Variants in ATP10A observed in about 807,000 individuals in gnomAD.
ATP10A encodes the protein ATPase phospholipid transporting 10A (putative), also known as phospholipid-transporting ATPase VA.
Under a neutral mutation model 147.8 loss-of-function variants are expected in ATP10A, and 111 were observed. That is an observed-to-expected ratio of 0.75 (90% CI 0.64 to 0.88). The LOEUF (loss-of-function observed/expected upper bound fraction) is 0.88, where lower values mean the gene tolerates loss of function less well. Among genes scored for constraint, ATP10A ranks in the 40% least tolerant of loss-of-function variants. The pLI, the probability that ATP10A is intolerant of heterozygous loss-of-function variation, is 0.00. For missense variants in ATP10A, 1,927 were observed against 1,959.0 expected, an observed-to-expected ratio of 0.98 and a Z score of 0.31; for synonymous variants, 875 against 841.6, an observed-to-expected ratio of 1.04 and a Z score of -0.69.
intron 1 of ATP10A, among the ~76,000 whole-genome samples, chr15:25,789,840 T>C (rs551262741): frequency 9.2e-5 from 14 of 152,196 alleles, no homozygotes; most frequent in African/African-American, 2.4e-4. Flanking sequence ...CCTCCTCCTA[T>C]AGATGCCAGT....
intron 1 of ATP10A, among the ~76,000 whole-genome samples, chr15:25,826,824 A>G (rs1007789952): frequency 6.6e-6 from 1 of 152,170 alleles, no homozygotes; most frequent in Non-Finnish European, 1.5e-5. Context: ...AATAATGATG[A>G]TAATGATAAT....
chr15:25,750,194 C>T (rs994539974), intron 2 of ATP10A, among the ~76,000 whole-genome samples: 1 of 151,544 alleles, frequency 6.6e-6, no homozygotes, highest in Non-Finnish European at 1.5e-5. Context: ...AAAAAACTTG[C>T]AAGCAGCTGT....
chr15:25,826,753 C>T (rs575668036), intron 1 of ATP10A, among the ~76,000 whole-genome samples: 1 of 152,196 alleles, frequency 6.6e-6, no homozygotes, highest in African/African-American at 2.4e-5. Flanking sequence ...CTAGATCGTG[C>T]CACTGTACTC....
Position 25,718,343 on chromosome 15 carries a change from T to A in ATP10A, c.1420A>T (p.Arg474Ter). The change falls in exon 8 of 21, where the codon AGA becomes TGA. Residue 474 changes from arginine (R) to a stop codon, truncating the protein, a stop_gained. Coordinates refer to ENST00000555815, the MANE Select transcript of ATP10A (RefSeq NM_024490.4). LOFTEE classifies it high-confidence loss of function. ...ADSEEEEVVPRGGSVSQRGSI... is the reference protein window; with the variant it reads ...ADSEEEEVVP ...CCGCGCTGGGACACCGAGCCCCCTCTGGGCACCACCTCCTCCTCCTCCGAG... is the reference window on the plus strand; with the variant it reads ...CCGCGCTGGGACACCGAGCCCCCTCAGGGCACCACCTCCTCCTCCTCCGAG... 6.2e-7 allele frequency: 1 copy of A among 1,610,516 alleles called. No homozygotes were observed. The highest frequency in any genetic ancestry group is 1.1e-5 in the South Asian group (1 of 90,674).
chr15:25,862,197 G>T (rs549283355), intron 1 of ATP10A: 1 of 457,308 alleles, frequency 2.2e-6, no homozygotes, highest in East Asian at 6.9e-5. Context: ...GCTGTCCTGA[G>T]CCGAGCTGTT....
At chr15:25,783,993 T>C (rs896953810) in intron 1 of ATP10A, among the ~76,000 whole-genome samples, 6 of 152,242 alleles carry the variant, frequency 3.9e-5, no homozygotes, top group African/African-American at 1.4e-4. Flanking sequence ...GTCGGACCCC[T>C]TCTGAGCACA....
In ATP10A at chr15:25,758,817, C is replaced by T. The variant is rs1255174620; in HGVS notation, c.654+22202G>A. On this transcript the variant is annotated intron_variant, in intron 2 of 20. Coordinates refer to ENST00000555815, the MANE Select transcript of ATP10A (RefSeq NM_024490.4). ...CCACCTGCTCCACCCTAACTCATTC[C>T]GACCACCTGCTCCACCCTAACTCAT... 5.5e-4 allele frequency among the ~76,000 whole-genome samples: 70 copies of T among 128,174 alleles called. 1 individual carries two copies. The highest frequency in any genetic ancestry group is 2.4e-3 in the African/African-American group (62 of 25,980). The allele number at this position is 128,174 out of a possible 152,430, so 84.1% of individuals were successfully genotyped here.
rs777490269 is a variant in ATP10A at position 25,714,204 on chromosome 15, G to C, written c.1814C>G (p.Thr605Arg). The part of the protein sequence containing the change: ...VRFELKSPVK[T>R]IEDFLRRFTP... ...GAACCTCCGCAGGAAGTCTTCTATC[G>C]TCTTCACCGGGGACTTCAGCTCAAA... is the stretch of plus-strand genomic sequence containing the variant. Residue 605 changes from threonine to arginine, a missense_variant, in exon 10 of 21, where the codon ACG (threonine) becomes AGG (arginine). Transcript: ENST00000555815. 1.2e-6 allele frequency: 2 copies of C among 1,602,318 alleles called. No individual in the cohort carries two copies. The highest frequency in any genetic ancestry group is 2.2e-5 in the South Asian group (2 of 91,084).
intron 2 of ATP10A, among the ~76,000 whole-genome samples, chr15:25,765,676 C>G (rs1169761255): frequency 6.6e-6 from 1 of 152,214 alleles, no homozygotes; most frequent in Non-Finnish European, 1.5e-5. Flanking sequence ...CATCTAATAC[C>G]CAAACTCTCC....
At chr15:25,781,668 GAA>G (rs147828670) in intron 1 of ATP10A, among the ~76,000 whole-genome samples, 1 of 146,794 alleles carries the variant, frequency 6.8e-6, no homozygotes, top group African/African-American at 2.5e-5. Flanking sequence ...AAAAAAGAAG[GAA>G]AAAAAAAAGA....
chr15:25,862,444 C>T (rs1597015407), intron 1 of ATP10A: 2 of 684,010 alleles, frequency 2.9e-6, no homozygotes, highest in South Asian at 1.8e-5. Context: ...CAGGGCGCCC[C>T]TTTAGCTGCG....
At chr15:25,847,504 T>G (rs1216462280) in intron 1 of ATP10A, among the ~76,000 whole-genome samples, 1 of 151,948 alleles carries the variant, frequency 6.6e-6, no homozygotes, top group Non-Finnish European at 1.5e-5. Context: ...AAAAGCACCT[T>G]TTTTCCACCG....
chr15:25,850,073 A>G (rs1337469606), intron 1 of ATP10A, among the ~76,000 whole-genome samples: 1 of 152,240 alleles, frequency 6.6e-6, no homozygotes, highest in Non-Finnish European at 1.5e-5. Flanking sequence ...ACGCAGGTCG[A>G]TAAGATTACC....
At chr15:25,748,764 T>C (rs1262031702) in intron 2 of ATP10A, among the ~76,000 whole-genome samples, 4 of 152,008 alleles carry the variant, frequency 2.6e-5, no homozygotes, top group African/African-American at 9.7e-5. Flanking sequence ...TTAGAATTAA[T>C]ACATGAGTGA....
At chr15:25,755,036 C>T (rs530034487) in intron 2 of ATP10A, among the ~76,000 whole-genome samples, 1 of 152,312 alleles carries the variant, frequency 6.6e-6, no homozygotes, top group Admixed American at 6.5e-5. Flanking sequence ...TCTGAATATT[C>T]ATGATCTACT....
intron 1 of ATP10A, among the ~76,000 whole-genome samples, chr15:25,785,881 G>A (rs1307575256): frequency 6.6e-6 from 1 of 152,252 alleles, no homozygotes; most frequent in Non-Finnish European, 1.5e-5. Flanking sequence ...GGTCTGCTTG[G>A]AGAAGGGACA....
Position 25,708,059 on chromosome 15 carries a change from A to T in ATP10A, c.2492T>A (p.Leu831Gln). 6.2e-7 allele frequency: 1 copy of T among 1,614,146 alleles called. No homozygotes were observed. Among genetic ancestry groups the T allele is most frequent in the Non-Finnish European group, 8.5e-7 (1 of 1,180,042 alleles). The part of the protein sequence containing the change: ...EEYACWLQSH[L>Q]EAESSLENSE... ...GTTTTCCAGGGAGGATTCGGCTTCTAGGTGGCTTTGCAACCAGCAGGCATA... is the reference window on the plus strand; with the variant it reads ...GTTTTCCAGGGAGGATTCGGCTTCTTGGTGGCTTTGCAACCAGCAGGCATA... Residue 831 changes from leucine (L) to glutamine (Q), a missense_variant, in exon 12 of 21, where the codon CTA becomes CAA. Leu to Gln is a moderately radical substitution (Grantham distance 113). Transcript: ENST00000555815.
rs764192242 is a variant in ATP10A, at chr15:25,679,958, G to A, written c.3883C>T (p.Leu1295Phe). The A allele has an allele frequency of 6.3e-7, 1 of 1,596,912 alleles. No homozygotes were observed. Among genetic ancestry groups the A allele is most frequent in the Non-Finnish European group, 8.6e-7 (1 of 1,168,020 alleles). ...TGTGTGGGGAAAACCCTCCCCTGGA[G>A]GGATCTGAAAAACAATCTAGAAAAA... ...ALLPRLFFRSLQGRVFPTQLQ... is the reference protein window; with the variant it reads ...ALLPRLFFRSFQGRVFPTQLQ... The change falls in exon 21 of 21, where the codon CTC (leucine) becomes TTC (phenylalanine). Residue 1295 changes from leucine (L) to phenylalanine (F), a missense_variant. Coordinates refer to ENST00000555815, the MANE Select transcript of ATP10A (RefSeq NM_024490.4).
In ATP10A at chr15:25,762,957, G is replaced by A. The variant is rs529641972; in HGVS notation, c.654+18062C>T. Among the ~76,000 whole-genome samples the A allele has an allele frequency of 1.9e-4, 29 of 152,140 alleles. No individual in the cohort carries two copies. The South Asian group carries it at 5.8e-3, about 30-fold the overall frequency. ...TTTAAAAAACGAAAGGGCAGCTAAAGTTTTCAACCGATAATTAACAATGTG... is the reference window on the plus strand; with the variant it reads ...TTTAAAAAACGAAAGGGCAGCTAAAATTTTCAACCGATAATTAACAATGTG... On this transcript the variant is annotated intron_variant, in intron 2 of 20. Transcript: ENST00000555815.
Sources: allele counts gnomAD v4.1 joint callset (sites outside exome capture counted in the v4.1 genomes callset), GRCh38; gene constraint gnomAD v4.1.1; transcripts MANE v1.5; gene names NCBI Gene and HGNC (gene_info 2026-07-23, HGNC 2026-07-21).